Variants in TMEM50B observed in about 807,000 individuals in gnomAD.
The protein encoded by TMEM50B is transmembrane protein 50B.
A neutral mutation model predicts 23.4 loss-of-function variants in TMEM50B; 14 were observed. That is an observed-to-expected ratio of 0.60 (90% CI 0.39 to 0.93). TMEM50B has a LOEUF of 0.93. Ranked by LOEUF, TMEM50B falls within the 40% of genes least tolerant of loss-of-function variation. TMEM50B has a pLI of 0.00. For synonymous variants in TMEM50B, 64 were observed against 62.3 expected (o/e 1.03, Z -0.13); for missense variants, 159 against 193.0 (o/e 0.82, Z 1.04).
At position 33,449,216 on chromosome 21, in the gene TMEM50B, A is replaced by G. The variant is rs2084094787; in HGVS notation, c.*1602T>C. 6.6e-6 allele frequency: 1 copy of G among 152,228 alleles called. No individual in the cohort carries two copies. Among genetic ancestry groups the G allele is most frequent in the East Asian group, 1.9e-4 (1 of 5,202 alleles). The allele number at this position is 152,228 out of a possible 1,614,324, so 9.4% of individuals were successfully genotyped here. ...ATTAGTCTTACAATTTGCTAGAAGC[A>G]TGACAGAGCTTACTAACATTTTGAA... On this transcript the variant is annotated 3_prime_UTR_variant, in exon 7 of 7. Coordinates refer to ENST00000542230, the MANE Select transcript of TMEM50B (RefSeq NM_006134.7).
At chr21:33,442,723 C>G (rs544531288) in intron 7 of TMEM50B, among the ~76,000 whole-genome samples, 1 of 152,092 alleles carries the variant, frequency 6.6e-6, no homozygotes, top group South Asian at 2.1e-4. Context: ...GAGTTCGACA[C>G]CAGCCTGGCC....
chr21:33,445,158 G>GT (rs1414870910), downstream of TMEM50B, among the ~76,000 whole-genome samples: 1 of 151,890 alleles, frequency 6.6e-6, no homozygotes, highest in Non-Finnish European at 1.5e-5. Context: ...GAGCTCTCTG[G>GT]TTTTATGTCT....
chr21:33,475,259 C>T (rs1206072551), intron 1 of TMEM50B, among the ~76,000 whole-genome samples: 1 of 152,092 alleles, frequency 6.6e-6, no homozygotes, highest in Non-Finnish European at 1.5e-5. Context: ...GTAGTGGATA[C>T]AAAATGATCA....
intron 3 of TMEM50B, among the ~76,000 whole-genome samples, chr21:33,466,664 A>G (rs1243594554): frequency 6.6e-6 from 1 of 152,164 alleles, no homozygotes; most frequent in Non-Finnish European, 1.5e-5. Context: ...TATCAATTAT[A>G]ATTCTAAGAT....
At position 33,466,953 on chromosome 21, in the gene TMEM50B, AACAGG is replaced by A. The variant is rs559281915; in HGVS notation, c.212+52_212+56del. On this transcript the variant is annotated intron_variant, in intron 3 of 6. Transcript: ENST00000542230. ...GTTATTCAAGAAAGCACTGCACATT[AACAGG>A]AAAGTATTTTTAGAAAAATCACCTT... is the stretch of plus-strand genomic sequence containing the variant. The A allele has an allele frequency of 4.6e-4, 665 of 1,432,268 alleles. 1 individual carries two copies. The highest frequency in any genetic ancestry group is 6.3e-4 in the Non-Finnish European group (641 of 1,024,546). The allele number at this position is 1,432,268 out of a possible 1,614,324, so 88.7% of individuals were successfully genotyped here.
intron 3 of TMEM50B, among the ~76,000 whole-genome samples, chr21:33,465,778 AAAGTC>A (rs1365333324): frequency 2.0e-5 from 3 of 152,198 alleles, no homozygotes; most frequent in Non-Finnish European, 4.4e-5. Flanking sequence ...CTTTGTGTTA[AAAGTC>A]AAGTGATTTT....
rs753845093 is a variant in TMEM50B, at chr21:33,475,184, C to T, written c.-42+4654G>A. ...TCAGTGATCTGCCTGTCTCAGCCTC[C>T]CAAGATGCTGGCATTACAGGTGTTG... On this transcript the variant is annotated intron_variant, in intron 1 of 6. Transcript: ENST00000542230. Among the ~76,000 whole-genome samples the T allele has an allele frequency of 4.7e-4, 71 of 152,096 alleles. 1 individual carries two copies. Among genetic ancestry groups the T allele is most frequent in the Non-Finnish European group, 7.8e-4 (53 of 67,986 alleles).
intron 6 of TMEM50B, among the ~76,000 whole-genome samples, chr21:33,453,310 G>A (rs926836523): frequency 2.6e-5 from 4 of 151,798 alleles, no homozygotes; most frequent in African/African-American, 9.7e-5. Flanking sequence ...GGCTGGTCTC[G>A]AACTCCTGAC....
chr21:33,439,977 C>T (rs1178927983), intron 7 of TMEM50B, among the ~76,000 whole-genome samples: 2 of 151,888 alleles, frequency 1.3e-5, no homozygotes, highest in Admixed American at 1.3e-4. Context: ...GCCCGAGAAG[C>T]GGAGGTTGCA....
At chr21:33,441,595 A>T (rs1012289660) in intron 7 of TMEM50B, among the ~76,000 whole-genome samples, 2 of 151,986 alleles carry the variant, frequency 1.3e-5, no homozygotes, top group Admixed American at 6.6e-5. Context: ...GCTTTGTGCA[A>T]GGTTGAGATT....
intron 6 of TMEM50B, 73 bp from the exon 7 acceptor site, chr21:33,450,936 A>G (rs1442632780): frequency 8.0e-7 from 1 of 1,249,696 alleles, no homozygotes; most frequent in African/African-American, 1.5e-5. Flanking sequence ...TTTTCTCAAT[A>G]TGCTTTGACA....
In TMEM50B at chr21:33,468,811, C is replaced by T; in HGVS notation, c.75G>A (p.Val25=). ...CCAATATACCTGCGACAACAGATGC[C>T]ACAGCATTTCTTCTCTCACTCCAGT... ...CIDWSERRNA[V]ASVVAGILFF... The change falls in exon 2 of 7, where the codon GTG becomes GTA. Residue 25 remains valine (V), a synonymous_variant. Coordinates refer to ENST00000542230, the MANE Select transcript of TMEM50B (RefSeq NM_006134.7). 1.2e-6 allele frequency: 2 copies of T among 1,613,918 alleles called. No individual in the cohort carries two copies. Among genetic ancestry groups the T allele is most frequent in the Non-Finnish European group, 1.7e-6 (2 of 1,179,962 alleles).
chr21:33,450,785 T>C lies in TMEM50B; in HGVS notation c.*33A>G, dbSNP rs757952557. On this transcript the variant is annotated 3_prime_UTR_variant, in exon 7 of 7. Transcript: ENST00000542230. ...AAAAAACCTATCTACAAACAGAATA[T>C]AACAAAAGGAAAATGTGACTTAAGA... 10 of 1,594,630 alleles carry C rather than the reference T, an allele frequency of 6.3e-6. No individual in the cohort carries two copies. The highest frequency in any genetic ancestry group is 8.6e-6 in the Non-Finnish European group (10 of 1,167,184).
chr21:33,440,465 G>T (rs771422763), intron 7 of TMEM50B, among the ~76,000 whole-genome samples: 15 of 151,888 alleles, frequency 9.9e-5, no homozygotes, highest in Non-Finnish European at 1.5e-4. Context: ...GTGCATGCCT[G>T]TAATCCCAGC....
exon 9 of TMEM50B, chr21:33,432,569 C>A: frequency 1.1e-6 from 1 of 952,124 alleles, no homozygotes; most frequent in Non-Finnish European, 1.7e-6. Context: ...TTAATGTAAG[C>A]ATACCAGGTG....
chr21:33,475,507 C>G (rs1156521413), intron 1 of TMEM50B, among the ~76,000 whole-genome samples: 1 of 151,948 alleles, frequency 6.6e-6, no homozygotes, highest in South Asian at 2.1e-4. Context: ...TCACCAGGCC[C>G]GGCTACTTTT....
intron 8 of TMEM50B, among the ~76,000 whole-genome samples, chr21:33,433,034 C>T (rs1170117727): frequency 6.6e-6 from 1 of 152,058 alleles, no homozygotes; most frequent in Admixed American, 6.6e-5. Flanking sequence ...TACAAGTGCT[C>T]ACCACCATGG....
At chr21:33,465,625 A>G (rs1165303227) in intron 3 of TMEM50B, among the ~76,000 whole-genome samples, 1 of 152,222 alleles carries the variant, frequency 6.6e-6, no homozygotes, top group Non-Finnish European at 1.5e-5. Flanking sequence ...ATTTATTTTA[A>G]GAGATTTCTA....
intron 4 of TMEM50B, among the ~76,000 whole-genome samples, chr21:33,462,842 G>A (rs1012632746): frequency 6.6e-5 from 10 of 152,128 alleles, no homozygotes; most frequent in Admixed American, 6.5e-4. Flanking sequence ...TGACATACAG[G>A]ATATGATGAA....
Sources: allele counts gnomAD v4.1 joint callset (sites outside exome capture counted in the v4.1 genomes callset), GRCh38; gene constraint gnomAD v4.1.1; transcripts MANE v1.5; gene names NCBI Gene and HGNC (gene_info 2026-07-23, HGNC 2026-07-21).